The following EGF variants were observed in gnomAD, a reference collection of about 807,000 sequenced individuals.
EGF encodes pro-epidermal growth factor.
EGF carries 95 observed loss-of-function variants against 143.8 expected under a neutral mutation model. The ratio of observed to expected loss-of-function variants is 0.66; its 90% CI spans 0.56 to 0.78. The LOEUF is 0.78. Ranked by LOEUF, EGF falls within the 30% of genes least tolerant of loss-of-function variation. EGF has a pLI of 0.00. For missense variants in EGF, 1,320 were observed against 1,470.9 expected (o/e 0.90, Z 1.68); for synonymous variants, 510 against 510.5 (o/e 1.00, Z 0.01).
intron 16 of EGF, among the ~76,000 whole-genome samples, chr4:109,985,712 C>T (rs1750022581): frequency 6.6e-6 from 1 of 152,220 alleles, no homozygotes; most frequent in Admixed American, 6.5e-5. Flanking sequence ...TGATCACATT[C>T]ATCACACTGT....
At chr4:109,922,835 T>C (rs532031397) in intron 1 of EGF, among the ~76,000 whole-genome samples, 5 of 151,844 alleles carry the variant, frequency 3.3e-5, no homozygotes, top group African/African-American at 1.2e-4. Flanking sequence ...GGATTAATTC[T>C]TGTAAAATGC....
At chr4:109,983,852 C>G (rs1749741633) in intron 16 of EGF, among the ~76,000 whole-genome samples, 1 of 152,146 alleles carries the variant, frequency 6.6e-6, no homozygotes, top group Admixed American at 6.5e-5. Context: ...CCATCCACCC[C>G]TGATATTTTT....
Position 109,913,457 on chromosome 4 carries a change from G to C in EGF, c.122G>C (p.Cys41Ser). 1 of 1,613,670 alleles carries C rather than the reference G, an allele frequency of 6.2e-7. No individual in the cohort carries two copies. Among genetic ancestry groups the C allele is most frequent in the Non-Finnish European group, 8.5e-7 (1 of 1,179,766 alleles). Residue 41 changes from cysteine to serine, a missense_variant, in exon 1 of 24, where the codon TGT becomes TCT. Physicochemically the swap from Cys to Ser is moderately radical, Grantham distance 112 (BLOSUM62 -1). Around this residue, in one of 5 missense-constraint regions of EGF, gnomAD observed 79 missense variants for 71.2 expected, o/e 1.11. Transcript: ENST00000265171. Reference sequence around the variant, plus strand: ...CTCGCAGGAAATGGGAATTCTACTTGTGTGGGTAAGTACTCCAATGAAAAG... The same window carrying C: ...CTCGCAGGAAATGGGAATTCTACTTCTGTGGGTAAGTACTCCAATGAAAAG... ...GTLAGNGNST[C>S]VGPAPFLIFS... is the part of the protein sequence containing the mutation.
chr4:110,004,265 CCCTCTA>C, intron 21 of EGF: 2 of 542,426 alleles, frequency 3.7e-6, no homozygotes, highest in Non-Finnish European at 6.7e-6. Context: ...CACACACACA[CCCTCTA>C]CCTCACAGAA....
chr4:109,980,835 C>A lies in EGF; in HGVS notation c.2231C>A (p.Pro744His). 1 of 1,613,986 alleles carries A rather than the reference C, an allele frequency of 6.2e-7. No individual in the cohort carries two copies. Among genetic ancestry groups the A allele is most frequent in the Non-Finnish European group, 8.5e-7 (1 of 1,179,922 alleles). ...TTCTTTTCTCTACTAGGAGCAGATC[C>A]CTGCTTATATCAAAACGGAGGCTGT... ...VHPLAKPGAD[P>H]CLYQNGGCEH... The change falls in exon 15 of 24, where the codon CCC (proline) becomes CAC (histidine). Residue 744 changes from proline (P) to histidine (H), a missense_variant. This residue lies in a region of EGF where 1,186 missense variants were observed against 1,313.7 expected (regional missense o/e 0.90). Transcript: ENST00000265171.
chr4:109,982,726 A>G (rs559430046), intron 15 of EGF, among the ~76,000 whole-genome samples: 95 of 152,186 alleles, frequency 6.2e-4, no homozygotes, highest in Non-Finnish European at 1.2e-3. Context: ...TTCCATACTA[A>G]GACACCAGCT....
At chr4:109,946,919 G>T (rs989125012) in intron 5 of EGF, among the ~76,000 whole-genome samples, 4 of 152,082 alleles carry the variant, frequency 2.6e-5, no homozygotes, top group African/African-American at 9.7e-5. Flanking sequence ...AGGAGTTCGA[G>T]ACCAGTCTGG....
chr4:110,004,245 C>A, intron 21 of EGF: 1 of 488,342 alleles, frequency 2.0e-6, no homozygotes, highest in Non-Finnish European at 3.7e-6. Flanking sequence ...CACACACACA[C>A]ACACACAAAC....
intron 11 of EGF, 131 bp downstream of exon 11, chr4:109,969,250 GC>G: frequency 8.5e-7 from 1 of 1,174,810 alleles, no homozygotes; most frequent in Non-Finnish European, 1.3e-6. Flanking sequence ...GAGAAAAGAG[GC>G]CACCATTGCG....
At chr4:109,967,205 A>G (rs1182192972) in intron 10 of EGF, among the ~76,000 whole-genome samples, 1 of 152,078 alleles carries the variant, frequency 6.6e-6, no homozygotes, top group Non-Finnish European at 1.5e-5. Flanking sequence ...ATCCATCTTG[A>G]GTTAATTTTT....
chr4:109,920,492 C>T (rs993044778), intron 1 of EGF, among the ~76,000 whole-genome samples: 1 of 151,438 alleles, frequency 6.6e-6, no homozygotes, highest in Non-Finnish European at 1.5e-5. Context: ...GAGAGGCAGG[C>T]CCTGGAATCT....
rs41336144 is a variant in EGF at position 109,960,600 on chromosome 4, G to A, written c.1067-267G>A. Among the ~76,000 whole-genome samples the A allele has an allele frequency of 1.5e-3, 227 of 152,246 alleles. 1 individual carries two copies. The highest frequency in any genetic ancestry group is 6.8e-3 in the Middle Eastern group (2 of 294). ...GCAGAGGTTGCAGTGAGCTGAGATC[G>A]TGGCATTGCACTCCAGCCTGGGTGA... is the stretch of plus-strand genomic sequence containing the variant. On this transcript the variant is annotated intron_variant, in intron 6 of 23. Coordinates refer to ENST00000265171, the MANE Select transcript of EGF (RefSeq NM_001963.6).
Position 109,945,265 on chromosome 4 carries a change from T to C in EGF, c.930T>C (p.Thr310=), listed in dbSNP as rs1440454679. 4.3e-6 allele frequency: 7 copies of C among 1,613,692 alleles called. No individual in the cohort carries two copies. In the African/African-American group the frequency reaches 5.3e-5, roughly 12 times the overall value. Residue 310 remains threonine, a synonymous_variant, in exon 5 of 24, where the codon ACT becomes ACC. Transcript: ENST00000265171. The part of the protein sequence containing the change: ...PLAQPKAEDD[T]WEPEQKLCKL... ...CACAACCCAAGGCAGAAGATGACAC[T>C]TGGGAGCCTGGTGAGTCATCGTTGA...
intron 10 of EGF, among the ~76,000 whole-genome samples, chr4:109,966,912 G>A (rs1228741490): frequency 1.3e-5 from 2 of 152,014 alleles, no homozygotes; most frequent in Non-Finnish European, 2.9e-5. Flanking sequence ...TTCTCGGGTT[G>A]TTTGAGTTCC....
At position 109,987,791 on chromosome 4, in the gene EGF, A is replaced by G. The variant is rs1251287116; in HGVS notation, c.2539A>G (p.Ile847Val). The change falls in exon 17 of 24, where the codon ATT (isoleucine) becomes GTT (valine). Residue 847 changes from isoleucine to valine, a missense_variant. Physicochemically the swap from Ile to Val is conservative, Grantham distance 29. Coordinates refer to ENST00000265171, the MANE Select transcript of EGF (RefSeq NM_001963.6). ...PVGCSMYARC[I>V]SEGEDATCQC... is the part of the protein sequence containing the mutation. ...GGGATGCAGCATGTATGCTCGGTGT[A>G]TTTCAGAGGGAGAGGATGCCACATG... 6.2e-7 allele frequency: 1 copy of G among 1,614,006 alleles called. No homozygotes were observed. The highest frequency in any genetic ancestry group is 1.7e-5 in the Admixed American group (1 of 60,018).
chr4:109,988,192 C>A, intron 17 of EGF, among the ~76,000 whole-genome samples: 1 of 138,656 alleles, frequency 7.2e-6, no homozygotes. Context: ...GAAAACACAA[C>A]TTTTTTTTTT....
intron 1 of EGF, among the ~76,000 whole-genome samples, chr4:109,919,067 G>A (rs542832486): frequency 6.6e-6 from 1 of 152,192 alleles, no homozygotes; most frequent in East Asian, 1.9e-4. Flanking sequence ...GATCATATCC[G>A]AGACTTGCCT....
At chr4:109,946,588 G>A (rs1742904301) in intron 5 of EGF, among the ~76,000 whole-genome samples, 1 of 152,080 alleles carries the variant, frequency 6.6e-6, no homozygotes, top group Non-Finnish European at 1.5e-5. Flanking sequence ...CTCATCACGA[G>A]GTGTAACTAC....
intron 5 of EGF, chr4:109,959,073 T>C (rs1335573551): frequency 1.3e-5 from 7 of 534,258 alleles, no homozygotes; most frequent in Admixed American, 1.3e-4. Context: ...ACCTAAGAAA[T>C]GACATCTCCA....
Sources: allele counts gnomAD v4.1 joint callset (sites outside exome capture counted in the v4.1 genomes callset), GRCh38; gene constraint gnomAD v4.1.1; regional missense constraint gnomAD v4.1.1; transcripts MANE v1.5; gene names NCBI Gene and HGNC (gene_info 2026-07-23, HGNC 2026-07-21).